Variants in PTPRD observed in about 807,000 individuals in gnomAD.
PTPRD encodes the protein receptor-type tyrosine-protein phosphatase delta.
A neutral mutation model predicts 214.5 loss-of-function variants in PTPRD; 34 were observed. That is an observed-to-expected ratio of 0.16 (90% CI 0.12 to 0.21). PTPRD has a LOEUF of 0.21. Ranked by LOEUF, PTPRD falls within the 10% of genes least tolerant of loss-of-function variation. The pLI is 1.00. For synonymous variants in PTPRD, 1,128 were observed against 845.7 expected, an observed-to-expected ratio of 1.33 and a Z score of -5.79; for missense variants, 2,545 against 2,398.7, an observed-to-expected ratio of 1.06 and a Z score of -1.27.
chr9:9,083,067 G>A (rs80062713), intron 10 of PTPRD, among the ~76,000 whole-genome samples: 1,851 of 152,172 alleles, frequency 0.012, 46 homozygotes, highest in African/African-American at 0.042. Context: ...ATTTCATATG[G>A]AACCAGAAAA....
At chr9:10,534,763 T>C (rs1590246589) in intron 2 of PTPRD, among the ~76,000 whole-genome samples, 1 of 152,176 alleles carries the variant, frequency 6.6e-6, no homozygotes, top group African/African-American at 2.4e-5. Flanking sequence ...CATCTGCATT[T>C]CTGCTTCAAT....
At chr9:10,418,830 G>A (rs2098519239) in intron 2 of PTPRD, among the ~76,000 whole-genome samples, 2 of 151,900 alleles carry the variant, frequency 1.3e-5, no homozygotes, top group South Asian at 4.1e-4. Context: ...ATAAACAGCA[G>A]AGGGACAGAA....
At chr9:9,790,225 T>G (rs1445409104) in intron 5 of PTPRD, among the ~76,000 whole-genome samples, 1 of 152,180 alleles carries the variant, frequency 6.6e-6, no homozygotes, top group Non-Finnish European at 1.5e-5. Context: ...TTTCTTGATG[T>G]ATTGTCTTGG....
At chr9:8,635,870 T>C (rs758233146) in intron 13 of PTPRD, among the ~76,000 whole-genome samples, 1 of 152,146 alleles carries the variant, frequency 6.6e-6, no homozygotes, top group Non-Finnish European at 1.5e-5. Context: ...TTATTGCCTA[T>C]ATTTCTCCTC....
chr9:8,535,895 C>G (rs1337212338), intron 14 of PTPRD, among the ~76,000 whole-genome samples: 3 of 151,870 alleles, frequency 2.0e-5, no homozygotes, highest in Non-Finnish European at 4.4e-5. Context: ...ATATGATGCT[C>G]TTACTAAATC....
chr9:9,374,394 G>C (rs1473455259), intron 9 of PTPRD, among the ~76,000 whole-genome samples: 1 of 152,010 alleles, frequency 6.6e-6, no homozygotes, highest in African/African-American at 2.4e-5. Flanking sequence ...AGGTGCTATA[G>C]AATTTCAAAA....
intron 2 of PTPRD, among the ~76,000 whole-genome samples, chr9:10,434,921 C>T (rs903426742): frequency 1.3e-5 from 2 of 151,754 alleles, no homozygotes; most frequent in South Asian, 2.1e-4. Flanking sequence ...AATTTTTTGG[C>T]TTCATGCACT....
intron 2 of PTPRD, among the ~76,000 whole-genome samples, chr9:10,413,382 C>T (rs1275911393): frequency 6.6e-6 from 1 of 151,810 alleles, no homozygotes; most frequent in Non-Finnish European, 1.5e-5. Context: ...TAACAAAATA[C>T]TTAGAAAAAC....
chr9:9,825,094 T>G (rs1490823879), intron 5 of PTPRD, among the ~76,000 whole-genome samples: 4 of 152,024 alleles, frequency 2.6e-5, no homozygotes, highest in African/African-American at 9.7e-5. Context: ...TGTGATCATC[T>G]GATACTGCAG....
At chr9:9,955,618 G>C (rs2093850204) in intron 4 of PTPRD, among the ~76,000 whole-genome samples, 1 of 151,302 alleles carries the variant, frequency 6.6e-6, no homozygotes, top group South Asian at 2.1e-4. Context: ...CCGCCTCCCA[G>C]GTTCACGCCA....
At chr9:8,905,737 G>T (rs1406820331) in intron 11 of PTPRD, among the ~76,000 whole-genome samples, 3 of 91,178 alleles carry the variant, frequency 3.3e-5, no homozygotes, top group African/African-American at 6.3e-5. Flanking sequence ...AGACTCCCTC[G>T]CAAAAAAAAA....
intron 13 of PTPRD, among the ~76,000 whole-genome samples, chr9:8,635,807 A>T (rs1175699629): frequency 6.6e-6 from 1 of 152,110 alleles, no homozygotes; most frequent in African/African-American, 2.4e-5. Flanking sequence ...CTCATGTCTT[A>T]AATTATGGGC....
At chr9:8,909,412 G>A (rs1030175229) in intron 11 of PTPRD, among the ~76,000 whole-genome samples, 1 of 152,042 alleles carries the variant, frequency 6.6e-6, no homozygotes, top group African/African-American at 2.4e-5. Flanking sequence ...TATATATATT[G>A]ATCGAGTGAA....
At chr9:8,748,194 G>C (rs1367766645) in intron 11 of PTPRD, among the ~76,000 whole-genome samples, 2 of 152,128 alleles carry the variant, frequency 1.3e-5, no homozygotes, top group African/African-American at 4.8e-5. Flanking sequence ...TGAGAGCGGG[G>C]ACTGAGAGAC....
At chr9:8,771,346 TAA>T (rs1421965346) in intron 11 of PTPRD, among the ~76,000 whole-genome samples, 1 of 152,206 alleles carries the variant, frequency 6.6e-6, no homozygotes, top group African/African-American at 2.4e-5. Flanking sequence ...CACAAAATAC[TAA>T]AGACTATCAC....
chr9:9,831,411 G>A lies in PTPRD; in HGVS notation c.-367-64560C>T, dbSNP rs1259487487. On this transcript the variant is annotated intron_variant, in intron 5 of 45. Transcript: ENST00000381196. The stretch of plus-strand genomic sequence containing the variant: ...CACAAGGTTACTACATTTTTTAGAT[G>A]AGAGAGTATGAGTTTGGAAAGAGTT... Among the ~76,000 whole-genome samples, 7 of 152,044 alleles carry A rather than the reference G, an allele frequency of 4.6e-5. No individual in the cohort carries two copies. The East Asian group carries it at 9.7e-4, about 21-fold the overall frequency.
At chr9:10,226,920 G>A (rs533949470) in intron 3 of PTPRD, among the ~76,000 whole-genome samples, 3 of 151,494 alleles carry the variant, frequency 2.0e-5, no homozygotes, top group Admixed American at 6.6e-5. Context: ...TATTTGGGGG[G>A]TAAATATAGA....
At chr9:9,148,435 G>A (rs546088543) in intron 10 of PTPRD, among the ~76,000 whole-genome samples, 9 of 151,992 alleles carry the variant, frequency 5.9e-5, no homozygotes, top group Non-Finnish European at 8.8e-5. Context: ...TTCAGCAGAC[G>A]GAAAGAAAAA....
At chr9:8,585,826 T>A (rs936806466) in intron 14 of PTPRD, among the ~76,000 whole-genome samples, 1 of 152,222 alleles carries the variant, frequency 6.6e-6, no homozygotes, top group African/African-American at 2.4e-5. Flanking sequence ...TTTTAAAAGC[T>A]CTATGAGGTA....
Sources: gnomAD v4.1 joint callset for allele counts (sites outside exome capture counted in the v4.1 genomes callset) on GRCh38, gnomAD v4.1.1 for gene constraint, MANE v1.5 for transcripts, NCBI Gene and HGNC (gene_info 2026-07-23, HGNC 2026-07-21) for gene names.